The following CFAP96 variants were observed in gnomAD, a reference collection of about 807,000 sequenced individuals.
The protein encoded by CFAP96 is cilia and flagella associated protein 96.
the CFAP96 span, chr4:185,418,706 G>C: frequency 6.2e-7 from 1 of 1,613,734 alleles, no homozygotes; most frequent in Non-Finnish European, 8.5e-7. Context: ...ACACAAGGGC[G>C]TTTGAAGACA....
At chr4:185,436,960 G>A in the CFAP96 span, among the ~76,000 whole-genome samples, 2 of 151,944 alleles carry the variant, frequency 1.3e-5, no homozygotes, top group Non-Finnish European at 2.9e-5. Flanking sequence ...ACTTCTATTA[G>A]CCTGGCCTGA....
chr4:185,442,963 T>C, the CFAP96 span, among the ~76,000 whole-genome samples: 1 of 152,150 alleles, frequency 6.6e-6, no homozygotes, highest in Admixed American at 6.5e-5. Flanking sequence ...TAATTTGAAG[T>C]GTGATTGGTC....
chr4:185,429,926 G>T, the CFAP96 span, among the ~76,000 whole-genome samples: 1,106 of 152,228 alleles, frequency 7.3e-3, 38 homozygotes, highest in Admixed American at 0.063. Flanking sequence ...CCCACTCAGC[G>T]TGCCGTAGTG....
At chr4:185,411,431 AAAAAC>A in the CFAP96 span, among the ~76,000 whole-genome samples, 23 of 152,210 alleles carry the variant, frequency 1.5e-4, no homozygotes, top group African/African-American at 4.8e-4. Flanking sequence ...TCACTAATAA[AAAAAC>A]AAAATAAGAA....
the CFAP96 span, among the ~76,000 whole-genome samples, chr4:185,435,249 T>C: frequency 6.6e-6 from 1 of 152,226 alleles, no homozygotes; most frequent in Non-Finnish European, 1.5e-5. Context: ...ATTTGTAGAC[T>C]GAAGGTATTG....
the CFAP96 span, chr4:185,415,415 C>T: frequency 9.0e-6 from 12 of 1,332,744 alleles, no homozygotes; most frequent in African/African-American, 1.9e-4. Context: ...AAGTACAGAG[C>T]TAATATATCC....
At chr4:185,448,313 C>T in the CFAP96 span, among the ~76,000 whole-genome samples, 16 of 152,268 alleles carry the variant, frequency 1.1e-4, no homozygotes, top group East Asian at 2.5e-3. Flanking sequence ...GGATTACAGG[C>T]GTGAGCCACT....
At chr4:185,449,745 C>T in the CFAP96 span, 1 of 744,654 alleles carries the variant, frequency 1.3e-6, no homozygotes, top group Non-Finnish European at 2.1e-6. Flanking sequence ...GCAGATAGCT[C>T]AAGCAGTTAA....
chr4:185,425,528 G>A, the CFAP96 span, among the ~76,000 whole-genome samples: 1 of 152,216 alleles, frequency 6.6e-6, no homozygotes, highest in Non-Finnish European at 1.5e-5. Context: ...GGAACTAGGG[G>A]AATATAATAT....
chr4:185,424,316 A>T, the CFAP96 span, among the ~76,000 whole-genome samples: 3 of 152,166 alleles, frequency 2.0e-5, no homozygotes, highest in Non-Finnish European at 4.4e-5. Flanking sequence ...CAAAAAACAA[A>T]ATAAAATAAA....
At chr4:185,439,940 TGTATC>T in the CFAP96 span, among the ~76,000 whole-genome samples, 263 of 144,610 alleles carry the variant, frequency 1.8e-3, 1 homozygote, top group African/African-American at 6.5e-3. Flanking sequence ...TATACATATA[TGTATC>T]ATATATATGA....
At chr4:185,444,713 T>C in the CFAP96 span, among the ~76,000 whole-genome samples, 6 of 152,228 alleles carry the variant, frequency 3.9e-5, no homozygotes, top group Non-Finnish European at 8.8e-5. Context: ...AAAATATTAA[T>C]GCTTGGCAAT....
the CFAP96 span, chr4:185,415,227 T>C: frequency 1.2e-6 from 2 of 1,606,468 alleles, no homozygotes; most frequent in Non-Finnish European, 1.7e-6. Flanking sequence ...TTTTTTTCCC[T>C]GGTAATAAAA....
At chr4:185,431,993 G>A in the CFAP96 span, 3 of 1,551,116 alleles carry the variant, frequency 1.9e-6, no homozygotes, top group African/African-American at 1.4e-5. Context: ...ACCCTTTAAT[G>A]AGGCTGCAAG....
At chr4:185,445,959 A>G in the CFAP96 span, among the ~76,000 whole-genome samples, 1 of 152,116 alleles carries the variant, frequency 6.6e-6, no homozygotes, top group Non-Finnish European at 1.5e-5. Context: ...CTCCTGCCTC[A>G]GCCTCCCGAG....
At chr4:185,409,998 A>G in the CFAP96 span, among the ~76,000 whole-genome samples, 1 of 152,210 alleles carries the variant, frequency 6.6e-6, no homozygotes, top group African/African-American at 2.4e-5. Context: ...TCAGAACTCC[A>G]GAACTGAGAC....
chr4:185,416,606 ATG>A, the CFAP96 span, among the ~76,000 whole-genome samples: 1 of 151,842 alleles, frequency 6.6e-6, no homozygotes, highest in East Asian at 1.9e-4. Flanking sequence ...TGAACGTGTT[ATG>A]TGTGTGTGTG....
At chr4:185,415,195 G>A in the CFAP96 span, 1 of 1,606,090 alleles carries the variant, frequency 6.2e-7, no homozygotes, top group East Asian at 2.3e-5. Context: ...TATTCCTGAA[G>A]GATATGAAAT....
chr4:185,445,135 G>A, the CFAP96 span: 396 of 1,550,480 alleles, frequency 2.6e-4, no homozygotes, highest in Admixed American at 3.9e-4. Context: ...CAGAAGGTGG[G>A]AATATCTTAC....
Sources: gnomAD v4.1 joint callset for allele counts (sites outside exome capture counted in the v4.1 genomes callset) on GRCh38, gnomAD v4.1.1 for gene constraint, MANE v1.5 for transcripts, NCBI Gene and HGNC (gene_info 2026-07-23, HGNC 2026-07-21) for gene names.